Variants in PDE3A observed in about 807,000 individuals in gnomAD.
PDE3A encodes the protein phosphodiesterase 3A.
A neutral mutation model predicts 98.3 loss-of-function variants in PDE3A; 43 were observed. That is an observed-to-expected ratio of 0.44 (90% CI 0.34 to 0.56). The LOEUF (loss-of-function observed/expected upper bound fraction) is 0.56. PDE3A is among the 20% of genes least tolerant of loss of function. The probability of loss-of-function intolerance (pLI) is 0.01; values close to 1 mark genes in which losing one functional copy is unlikely to be tolerated. For missense variants in PDE3A, 1,427 were observed against 1,440.7 expected, an observed-to-expected ratio of 0.99 and a Z score of 0.15; for synonymous variants, 663 against 567.9, an observed-to-expected ratio of 1.17 and a Z score of -2.38.
Position 20,369,816 on chromosome 12 carries a change from C to G in PDE3A, c.532C>G (p.Leu178Val), listed in dbSNP as rs755006692. Residue 178 changes from leucine (L) to valine (V), a missense_variant, in exon 1 of 16, where the codon CTG becomes GTG. Leu to Val is a conservative substitution (Grantham distance 32). This residue lies in a region of PDE3A where 1,012 missense variants were observed against 886.5 expected (regional missense o/e 1.14). Transcript: ENST00000359062. ...GGGGGAAGCGCTCGTCCAGATTGGG[C>G]TGGGCGTCGGGGAGGATCACTTACT... ...CGGEALVQIGLGVGEDHLLSL... is the reference protein window; with the variant it reads ...CGGEALVQIGVGVGEDHLLSL... 2 of 1,611,932 alleles carry G rather than the reference C, an allele frequency of 1.2e-6. No individual in the cohort carries two copies. The highest frequency in any genetic ancestry group is 4.5e-5 in the East Asian group (2 of 44,800).
At chr12:20,454,668 T>A (rs1214386529) in intron 1 of PDE3A, among the ~76,000 whole-genome samples, 2 of 152,182 alleles carry the variant, frequency 1.3e-5, no homozygotes, top group Admixed American at 6.5e-5. Context: ...GTCATTCCCC[T>A]CTATGTGTCC....
At chr12:20,658,134 C>G (rs1945083647) in intron 15 of PDE3A, among the ~76,000 whole-genome samples, 1 of 152,126 alleles carries the variant, frequency 6.6e-6, no homozygotes, top group Non-Finnish European at 1.5e-5. Flanking sequence ...TTTAAAAAAT[C>G]TGATGTATTA....
intron 1 of PDE3A, among the ~76,000 whole-genome samples, chr12:20,463,950 T>A (rs1387845336): frequency 6.6e-6 from 1 of 152,188 alleles, no homozygotes; most frequent in Non-Finnish European, 1.5e-5. Context: ...GTATAAAGAA[T>A]GTGGACACCC....
chr12:20,427,301 A>T (rs1055741609), intron 1 of PDE3A, among the ~76,000 whole-genome samples: 2 of 152,198 alleles, frequency 1.3e-5, no homozygotes, highest in South Asian at 4.1e-4. Flanking sequence ...TTTGAATTTT[A>T]TCATGGACAA....
Position 20,572,082 on chromosome 12 carries a change from C to G in PDE3A, c.1011+15372C>G, listed in dbSNP as rs973807275. ...TGTTTTTAAAAAAATGAGAATCAGT[C>G]TAACAGAATCTGAACTTTAAAGAAC... On this transcript the variant is annotated intron_variant, in intron 2 of 15. Transcript: ENST00000359062. 1.2e-5 allele frequency: 15 copies of G among 1,230,114 alleles called. No homozygotes were observed. In the African/African-American group the frequency reaches 2.4e-4, roughly 20 times the overall value. 76.2% of individuals were successfully genotyped at this position (1,230,114 alleles called of 1,614,324 possible). A position where few individuals can be genotyped will look rare whatever the true frequency, so the allele number is the denominator to read the frequency against.
chr12:20,522,566 G>C (rs1358481149), intron 1 of PDE3A, among the ~76,000 whole-genome samples: 2 of 152,158 alleles, frequency 1.3e-5, no homozygotes, highest in East Asian at 1.9e-4. Context: ...CTTTGTCTTT[G>C]AGCACTTGAC....
rs147143863 is a variant in PDE3A, at chr12:20,549,509, C to G, written c.961-7151C>G. ...GATAAACACTTTGTATTCTTCAAAT[C>G]CAAAAGGAGAAATATCCTGTTTACT... is the stretch of plus-strand genomic sequence containing the variant. On this transcript the variant is annotated intron_variant, in intron 1 of 15. Coordinates refer to ENST00000359062, the MANE Select transcript of PDE3A (RefSeq NM_000921.5). Among the ~76,000 whole-genome samples the G allele has an allele frequency of 4.6e-5, 7 of 151,772 alleles. No homozygotes were observed. In the East Asian group the frequency reaches 1.2e-3, roughly 25 times the overall value.
At chr12:20,551,451 C>G in intron 1 of PDE3A, 1 of 612,844 alleles carries the variant, frequency 1.6e-6, no homozygotes. Context: ...ATTGATAGCT[C>G]TTTCTCGATT....
chr12:20,400,529 C>G (rs1322310616), intron 1 of PDE3A, among the ~76,000 whole-genome samples: 1 of 151,652 alleles, frequency 6.6e-6, no homozygotes, highest in Non-Finnish European at 1.5e-5. Context: ...GCCTCAGCCT[C>G]CCAGGTAGCT....
At chr12:20,471,888 A>C (rs1290519752) in intron 1 of PDE3A, among the ~76,000 whole-genome samples, 1 of 152,088 alleles carries the variant, frequency 6.6e-6, no homozygotes, top group Non-Finnish European at 1.5e-5. Flanking sequence ...GGCACTCAGG[A>C]TGTAAATGAA....
chr12:20,568,875 G>A (rs953884445), intron 2 of PDE3A, among the ~76,000 whole-genome samples: 9 of 151,928 alleles, frequency 5.9e-5, no homozygotes, highest in Admixed American at 5.2e-4. Context: ...AAGAATTAGA[G>A]GAAATGGAAA....
chr12:20,561,564 CT>C (rs1015602349), intron 2 of PDE3A, among the ~76,000 whole-genome samples: 6 of 151,652 alleles, frequency 4.0e-5, no homozygotes, highest in East Asian at 1.9e-4. Flanking sequence ...ATGTCAGGTA[CT>C]TTTTTTTAGC....
chr12:20,667,792 T>A (rs1372481909), intron 15 of PDE3A, among the ~76,000 whole-genome samples: 1 of 152,200 alleles, frequency 6.6e-6, no homozygotes, highest in East Asian at 1.9e-4. Flanking sequence ...TTGTTTTTCC[T>A]GTTTTTCTGA....
intron 15 of PDE3A, among the ~76,000 whole-genome samples, chr12:20,670,631 A>G (rs941445781): frequency 4.0e-5 from 6 of 151,016 alleles, no homozygotes; most frequent in South Asian, 2.1e-4. Flanking sequence ...GCAGAAATAA[A>G]GATGTTCTTT....
chr12:20,606,210 T>TTTTG lies in PDE3A; in HGVS notation c.1012-7225_1012-7222dup, dbSNP rs1457491776. On this transcript the variant is annotated intron_variant, in intron 2 of 15. Transcript: ENST00000359062. ...AAAAAAATGATGTGTATCTGCTTTT[T>TTTTG]TTTGTTTGTTTTCATTTACTCTTTT... 3.3e-5 allele frequency among the ~76,000 whole-genome samples: 5 copies of TTTTG among 152,334 alleles called. No individual in the cohort carries two copies. In the South Asian group the frequency reaches 6.2e-4, roughly 19 times the overall value.
At chr12:20,475,264 GTTAAAATCGGT>G (rs1437684472) in intron 1 of PDE3A, among the ~76,000 whole-genome samples, 7 of 150,224 alleles carry the variant, frequency 4.7e-5, no homozygotes, top group Non-Finnish European at 3.0e-5. Context: ...TTCCTCCCAT[GTTAAAATCGGT>G]AGCATGTCCA....
rs551705649 is a variant in PDE3A, at chr12:20,486,632, G to A, written c.961-70028G>A. 3.9e-5 allele frequency among the ~76,000 whole-genome samples: 6 copies of A among 152,180 alleles called. No homozygotes were observed. The East Asian group carries it at 1.2e-3, about 29-fold the overall frequency. On this transcript the variant is annotated intron_variant, in intron 1 of 15. Coordinates refer to ENST00000359062, the MANE Select transcript of PDE3A (RefSeq NM_000921.5). The stretch of plus-strand genomic sequence containing the variant: ...GTGGTTCACCTAATCCAAGATTTTT[G>A]CTTATTTGTTTGTTTTTTTGAGACA...
chr12:20,371,540 C>A, intron 1 of PDE3A: 1 of 787,870 alleles, frequency 1.3e-6, no homozygotes, highest in Non-Finnish European at 1.5e-6. Context: ...AAATAGCAGT[C>A]ACCATATGGT....
chr12:20,640,082 A>G (rs777238384), intron 10 of PDE3A, 125 bp downstream of exon 10: 17 of 544,316 alleles, frequency 3.1e-5, no homozygotes, highest in Non-Finnish European at 5.3e-5. Context: ...ATATGGAGAC[A>G]TCATATGGTG....
Sources: allele counts gnomAD v4.1 joint callset (sites outside exome capture counted in the v4.1 genomes callset), GRCh38; gene constraint gnomAD v4.1.1; regional missense constraint gnomAD v4.1.1; transcripts MANE v1.5; gene names NCBI Gene and HGNC (gene_info 2026-07-23, HGNC 2026-07-21).